BMP6: variants seen among roughly 807,000 people sequenced by gnomAD.
BMP6 encodes VG-1-R.
A neutral mutation model predicts 54.1 loss-of-function variants in BMP6; 17 were observed. The ratio of observed to expected loss-of-function variants is 0.31; its 90% CI spans 0.22 to 0.47. The LOEUF is 0.47. Among genes scored for constraint, BMP6 ranks in the 20% least tolerant of loss-of-function variants. The probability of loss-of-function intolerance (pLI) is 1.00; values close to 1 mark genes in which losing one functional copy is unlikely to be tolerated. For synonymous variants in BMP6, 328 were observed against 291.2 expected, an observed-to-expected ratio of 1.13 and a Z score of -1.28; for missense variants, 720 against 690.4, an observed-to-expected ratio of 1.04 and a Z score of -0.48.
intron 1 of BMP6, among the ~76,000 whole-genome samples, chr6:7,826,228 C>T (rs1224773894): frequency 6.6e-6 from 1 of 152,184 alleles, no homozygotes; most frequent in Non-Finnish European, 1.5e-5. Flanking sequence ...GGATCAGCTC[C>T]CTGTTCTCTT....
chr6:7,870,645 A>C lies in BMP6; in HGVS notation c.1204+8147A>C, dbSNP rs192690372. On this transcript the variant is annotated intron_variant, in intron 4 of 6. Transcript: ENST00000283147. ...TTTTAAAAAACAACAACAACAACAA[A>C]AAAAAACGGGTCTCACTCTGTTGCC... 1.6e-3 allele frequency among the ~76,000 whole-genome samples: 240 copies of C among 152,086 alleles called. 5 individuals are homozygous for C. Among genetic ancestry groups the C allele is most frequent in the Admixed American group, 0.011 (163 of 15,278 alleles).
At chr6:7,864,451 T>C (rs1265218355) in intron 4 of BMP6, among the ~76,000 whole-genome samples, 2 of 152,164 alleles carry the variant, frequency 1.3e-5, no homozygotes, top group African/African-American at 4.8e-5. Flanking sequence ...AGGAAGTAGG[T>C]TCTCAGGGCA....
intron 1 of BMP6, among the ~76,000 whole-genome samples, chr6:7,816,213 G>A (rs6912058): frequency 0.026 from 3,927 of 152,302 alleles, 75 homozygotes; most frequent in Non-Finnish European, 0.042. Context: ...CTGACAAATG[G>A]ATTAAGAAGG....
chr6:7,794,987 A>G (rs1190122220), intron 1 of BMP6, among the ~76,000 whole-genome samples: 6 of 152,182 alleles, frequency 3.9e-5, no homozygotes, highest in African/African-American at 1.4e-4. Context: ...TTCCAGTACT[A>G]TCCATGGGAA....
At position 7,727,615 on chromosome 6, in the gene BMP6, C is replaced by T. The variant is rs1379450049; in HGVS notation, c.660C>T (p.Asn220=). The change falls in exon 1 of 7, where the codon AAC becomes AAT. Residue 220 remains asparagine, a synonymous_variant. Coordinates refer to ENST00000283147, the MANE Select transcript of BMP6 (RefSeq NM_001718.6). ...CGGACATGGTCATGAGCTTTGTGAA[C>T]CTGGGTAAGGATTTGGGGTAACGTA... ...NDADMVMSFV[N]LVEYDKEFSP... 6.4e-7 allele frequency: 1 copy of T among 1,552,128 alleles called. No homozygotes were observed. Among genetic ancestry groups the T allele is most frequent in the South Asian group, 1.2e-5 (1 of 84,044 alleles).
chr6:7,742,273 A>G (rs574396641), intron 1 of BMP6, among the ~76,000 whole-genome samples: 1 of 152,364 alleles, frequency 6.6e-6, no homozygotes, highest in South Asian at 2.1e-4. Context: ...GACTTTAATA[A>G]GTATGAATAC....
intron 2 of BMP6, among the ~76,000 whole-genome samples, chr6:7,855,367 G>T (rs1267103845): frequency 6.6e-6 from 1 of 152,098 alleles, no homozygotes; most frequent in Non-Finnish European, 1.5e-5. Context: ...AGCCCTAGGG[G>T]TGAGGGGCAG....
At chr6:7,842,893 C>G (rs1758999330) in intron 1 of BMP6, among the ~76,000 whole-genome samples, 1 of 152,220 alleles carries the variant, frequency 6.6e-6, no homozygotes, top group African/African-American at 2.4e-5. Flanking sequence ...CACATGCTCT[C>G]CAGCGAATCT....
chr6:7,750,311 G>C (rs6906252), intron 1 of BMP6, among the ~76,000 whole-genome samples: 2,333 of 152,272 alleles, frequency 0.015, 56 homozygotes, highest in African/African-American at 0.04. Flanking sequence ...AGAGGCTGAC[G>C]TGTAGATACA....
intron 1 of BMP6, among the ~76,000 whole-genome samples, chr6:7,767,744 G>A (rs765637373): frequency 2.6e-5 from 4 of 152,156 alleles, no homozygotes; most frequent in African/African-American, 9.7e-5. Context: ...GCCCTGCTAC[G>A]TCTGAGTCTG....
intron 1 of BMP6, among the ~76,000 whole-genome samples, chr6:7,760,613 G>T (rs1202639409): frequency 1.1e-4 from 17 of 152,030 alleles, no homozygotes; most frequent in South Asian, 8.3e-4. Flanking sequence ...GATTACAGAC[G>T]CCTGCCACCA....
chr6:7,758,464 C>T (rs1174374959), intron 1 of BMP6, among the ~76,000 whole-genome samples: 1 of 152,180 alleles, frequency 6.6e-6, no homozygotes, highest in Non-Finnish European at 1.5e-5. Flanking sequence ...CTGTTGGGTC[C>T]TTGCAGGACC....
intron 1 of BMP6, among the ~76,000 whole-genome samples, chr6:7,740,483 C>T (rs1188729589): frequency 6.6e-6 from 1 of 152,044 alleles, no homozygotes; most frequent in Non-Finnish European, 1.5e-5. Context: ...AAAATCAAGC[C>T]TCAACTTTTA....
At chr6:7,858,724 G>A (rs1228365723) in intron 2 of BMP6, among the ~76,000 whole-genome samples, 1 of 150,948 alleles carries the variant, frequency 6.6e-6, no homozygotes, top group East Asian at 1.9e-4. Flanking sequence ...GTCAATATTC[G>A]CTGTTCCTCT....
chr6:7,766,000 C>T (rs1019051865), intron 1 of BMP6, among the ~76,000 whole-genome samples: 2 of 152,208 alleles, frequency 1.3e-5, no homozygotes, highest in Admixed American at 1.3e-4. Flanking sequence ...CTTTCTCCAT[C>T]TCAAAAATCT....
At chr6:7,814,191 T>C (rs765944) in intron 1 of BMP6, among the ~76,000 whole-genome samples, 56,057 of 152,074 alleles carry the variant, frequency 0.37, 11,381 homozygotes, top group East Asian at 0.73. Context: ...TGAGATTCAA[T>C]TAGGCCCACA....
chr6:7,748,522 G>A (rs1757377988), intron 1 of BMP6, among the ~76,000 whole-genome samples: 1 of 152,190 alleles, frequency 6.6e-6, no homozygotes, highest in Non-Finnish European at 1.5e-5. Flanking sequence ...TCTGGCACTT[G>A]AGCAGCTCAT....
intron 1 of BMP6, among the ~76,000 whole-genome samples, chr6:7,761,082 A>G (rs1245890495): frequency 6.6e-6 from 1 of 152,236 alleles, no homozygotes; most frequent in African/African-American, 2.4e-5. Context: ...TTACAATGCG[A>G]TACAATATCC....
At chr6:7,768,741 GCTTT>G (rs1251777568) in intron 1 of BMP6, among the ~76,000 whole-genome samples, 1 of 152,156 alleles carries the variant, frequency 6.6e-6, no homozygotes, top group African/African-American at 2.4e-5. Context: ...TATTTCAACA[GCTTT>G]CTAAGAGTGC....
Sources: gnomAD v4.1 joint callset for allele counts (sites outside exome capture counted in the v4.1 genomes callset) on GRCh38, gnomAD v4.1.1 for gene constraint, MANE v1.5 for transcripts, NCBI Gene and HGNC (gene_info 2026-07-23, HGNC 2026-07-21) for gene names.